The following BRIP1 variants were observed in gnomAD, a reference collection of about 807,000 sequenced individuals.
BRIP1 encodes the protein Fanconi anemia group J protein.
A neutral mutation model predicts 119.7 loss-of-function variants in BRIP1; 88 were observed. The ratio of observed to expected loss-of-function variants is 0.74; its 90% confidence interval spans 0.62 to 0.88. BRIP1 has a LOEUF of 0.88. Among genes scored for constraint, BRIP1 ranks in the 40% least tolerant of loss-of-function variants. The pLI, the probability that BRIP1 is intolerant of heterozygous loss-of-function variation, is 0.00. For synonymous variants in BRIP1, 443 were observed against 496.5 expected (o/e 0.89, Z 1.43); for missense variants, 1,259 against 1,455.4 (o/e 0.87, Z 2.20).
Position 61,703,643 on chromosome 17 carries a change from A to T in BRIP1, c.2493-10131T>A, listed in dbSNP as rs929892066. On this transcript the variant is annotated intron_variant, in intron 17 of 19. Coordinates refer to ENST00000259008, the MANE Select transcript of BRIP1 (RefSeq NM_032043.3). This position sits in a 1 kb window ranked among gnomAD's most constrained non-coding sequence, Gnocchi z 5.0. ...TGTGCAGAAGCTCTTAAGTTTAATT[A>T]AGTCCCATTCGTCGATTTTGTTTTT... Among the ~76,000 whole-genome samples, 1 of 152,202 alleles carries T rather than the reference A, an allele frequency of 6.6e-6. No individual in the cohort carries two copies. Among genetic ancestry groups the T allele is most frequent in the Non-Finnish European group, 1.5e-5 (1 of 68,034 alleles).
In BRIP1 at chr17:61,784,272, G is replaced by A. The variant is rs373709958; in HGVS notation, c.1626C>T (p.Ser542=). 1.5e-4 allele frequency: 244 copies of A among 1,611,820 alleles called. No individual in the cohort carries two copies. The South Asian group carries it at 2.2e-3, about 15-fold the overall frequency. The stretch of plus-strand genomic sequence containing the variant: ...ACATACTAGTTATCTTCACTTACCT[G>A]CTATTTTGCCTAAAAAGATAGTCAA... ...MVLDYLFRQN[S]RFADDYKIAI... The change falls in exon 11 of 20, where the codon AGC becomes AGT. Residue 542 remains serine (S), a splice_region_variant and synonymous_variant. Transcript: ENST00000259008.
Position 61,713,860 on chromosome 17 carries a change from AT to A in BRIP1, c.2492+2090del, listed in dbSNP as rs1177115392. On this transcript the variant is annotated intron_variant, in intron 17 of 19. Coordinates refer to ENST00000259008, the MANE Select transcript of BRIP1 (RefSeq NM_032043.3). The surrounding 1 kb of genome is among the most constrained non-coding windows in gnomAD (Gnocchi z 4.9). ...ACAGAAAAGTTTAAAAAGTAAAAAA[AT>A]AAAAAATAAAAATTTCAAAAATAGA... Among the ~76,000 whole-genome samples, 5 of 152,116 alleles carry A rather than the reference AT, an allele frequency of 3.3e-5. No individual in the cohort carries two copies. The highest frequency in any genetic ancestry group is 2.1e-4 in the South Asian group (1 of 4,834).
rs1356309810 is a variant in BRIP1, at chr17:61,680,874, G to A, written c.*2422C>T. Among the ~76,000 whole-genome samples the A allele has an allele frequency of 2.0e-5, 3 of 152,140 alleles. No homozygotes were observed. The highest frequency in any genetic ancestry group is 4.4e-5 in the Non-Finnish European group (3 of 68,018). On this transcript the variant is annotated 3_prime_UTR_variant, in exon 20 of 20. Transcript: ENST00000259008. Reference sequence around the variant, plus strand: ...AAGTTATTATGCACATATACCATCTGTGTCAGTCTGTTCTCATGCTGCTAA... The same window carrying A: ...AAGTTATTATGCACATATACCATCTATGTCAGTCTGTTCTCATGCTGCTAA...
intron 16 of BRIP1, among the ~76,000 whole-genome samples, chr17:61,721,068 C>T (rs997813553): frequency 1.2e-4 from 18 of 152,062 alleles, no homozygotes; most frequent in Middle Eastern, 3.4e-3. Context: ...TCTCAAACGC[C>T]TGACCTCAGG....
In BRIP1 at chr17:61,778,800, T is replaced by C. The variant is rs1004082039; in HGVS notation, c.1935+1461A>G. On this transcript the variant is annotated intron_variant, in intron 13 of 19. Coordinates refer to ENST00000259008, the MANE Select transcript of BRIP1 (RefSeq NM_032043.3). This position sits in a 1 kb window ranked among gnomAD's most constrained non-coding sequence, Gnocchi z 4.4. ...CACTCTGGCATTTGGAAAGCACAATTCTTAGTTACATAGGAGTAGCATTCT... is the reference window on the plus strand; with the variant it reads ...CACTCTGGCATTTGGAAAGCACAATCCTTAGTTACATAGGAGTAGCATTCT... Among the ~76,000 whole-genome samples, 2 of 152,186 alleles carry C rather than the reference T, an allele frequency of 1.3e-5. No individual in the cohort carries two copies. Among genetic ancestry groups the C allele is most frequent in the Admixed American group, 6.5e-5 (1 of 15,276 alleles).
Position 61,689,867 on chromosome 17 carries a change from C to A in BRIP1, c.2575+3563G>T, listed in dbSNP as rs1056146110. Among the ~76,000 whole-genome samples the A allele has an allele frequency of 6.6e-6, 1 of 152,016 alleles. No homozygotes were observed. Among genetic ancestry groups the A allele is most frequent in the Non-Finnish European group, 1.5e-5 (1 of 67,994 alleles). The stretch of plus-strand genomic sequence containing the variant: ...CTCTACAAAAAAAATTAAAAATTAG[C>A]CAGGTCTGGTGGTGCATGCCTGTAG... On this transcript the variant is annotated intron_variant, in intron 18 of 19. Coordinates refer to ENST00000259008, the MANE Select transcript of BRIP1 (RefSeq NM_032043.3). The surrounding 1 kb of genome is among the most constrained non-coding windows in gnomAD (Gnocchi z 4.5).
chr17:61,754,387 TACTC>T lies in BRIP1; in HGVS notation c.2098-9800_2098-9797del, dbSNP rs2077173055. Among the ~76,000 whole-genome samples, 1 of 152,126 alleles carries T rather than the reference TACTC, an allele frequency of 6.6e-6. No individual in the cohort carries two copies. The highest frequency in any genetic ancestry group is 2.1e-4 in the South Asian group (1 of 4,830). ...TGCTTCCTCTCTTCCTTTACACTTT[TACTC>T]ACTGTCACCTTCTCAGATAGGCCTT... On this transcript the variant is annotated intron_variant, in intron 14 of 19. Coordinates refer to ENST00000259008, the MANE Select transcript of BRIP1 (RefSeq NM_032043.3). The surrounding 1 kb of genome is among the most constrained non-coding windows in gnomAD (Gnocchi z 4.1).
intron 6 of BRIP1, among the ~76,000 whole-genome samples, chr17:61,829,609 G>A (rs1485296196): frequency 3.3e-5 from 5 of 152,084 alleles, no homozygotes; most frequent in Admixed American, 1.3e-4. Flanking sequence ...AACTCACAGA[G>A]CATTTGCCAA....
intron 18 of BRIP1, among the ~76,000 whole-genome samples, chr17:61,692,354 A>G (rs1321255358): frequency 6.6e-6 from 1 of 152,202 alleles, no homozygotes; most frequent in Non-Finnish European, 1.5e-5. Context: ...GTAAATAATC[A>G]GCAGAGTCAA....
chr17:61,744,026 T>C lies in BRIP1; in HGVS notation c.2257+406A>G, dbSNP rs2144690318. Among the ~76,000 whole-genome samples the C allele has an allele frequency of 6.6e-6, 1 of 152,350 alleles. No homozygotes were observed. The highest frequency in any genetic ancestry group is 3.4e-3 in the Middle Eastern group (1 of 292). On this transcript the variant is annotated intron_variant, in intron 15 of 19. Transcript: ENST00000259008. The surrounding 1 kb of genome is among the most constrained non-coding windows in gnomAD (Gnocchi z 5.0). ...TCATGGATATGCTCTAACTTGGAAT[T>C]GAGTTTTCAGTTATGTTTTGAAAAT... is the stretch of plus-strand genomic sequence containing the variant.
chr17:61,823,409 A>G lies in BRIP1; in HGVS notation c.628-14652T>C, dbSNP rs1022128595. Among the ~76,000 whole-genome samples the G allele has an allele frequency of 6.6e-6, 1 of 152,238 alleles. No homozygotes were observed. Among genetic ancestry groups the G allele is most frequent in the African/African-American group, 2.4e-5 (1 of 41,458 alleles). On this transcript the variant is annotated intron_variant, in intron 6 of 19. Coordinates refer to ENST00000259008, the MANE Select transcript of BRIP1 (RefSeq NM_032043.3). This position sits in a 1 kb window ranked among gnomAD's most constrained non-coding sequence, Gnocchi z 4.8. ...TCAGAGAAAAGGAAACAAAGAGGTG[A>G]TAACTACATTACTTTACTTCTACAG... is the stretch of plus-strand genomic sequence containing the variant.
At chr17:61,788,991 G>A (rs2077774982) in intron 10 of BRIP1, among the ~76,000 whole-genome samples, 1 of 152,010 alleles carries the variant, frequency 6.6e-6, no homozygotes, top group Non-Finnish European at 1.5e-5. Flanking sequence ...GTACTTGGGG[G>A]CGCTGAGGCA....
At chr17:61,747,464 G>A (rs2077073358) in intron 14 of BRIP1, among the ~76,000 whole-genome samples, 1 of 151,356 alleles carries the variant, frequency 6.6e-6, no homozygotes, top group Non-Finnish European at 1.5e-5. Flanking sequence ...ACACACTGAT[G>A]CCACCGATAC....
chr17:61,763,934 T>C (rs1203927367), intron 14 of BRIP1, among the ~76,000 whole-genome samples: 1 of 152,266 alleles, frequency 6.6e-6, no homozygotes, highest in South Asian at 2.1e-4. Flanking sequence ...ATATTCAAGA[T>C]ACACTACATA....
In BRIP1 at chr17:61,748,024, C is replaced by T. The variant is rs753542605; in HGVS notation, c.2098-3433G>A. On this transcript the variant is annotated intron_variant, in intron 14 of 19. Transcript: ENST00000259008. This position sits in a 1 kb window ranked among gnomAD's most constrained non-coding sequence, Gnocchi z 4.7. ...AAGTGCTGGGATTACAGGTGTGAGC[C>T]ACTATGCACAGTCCTCTATGAAACA... 1.3e-5 allele frequency among the ~76,000 whole-genome samples: 2 copies of T among 152,012 alleles called. No individual in the cohort carries two copies. Among genetic ancestry groups the T allele is most frequent in the Non-Finnish European group, 2.9e-5 (2 of 67,994 alleles).
rs760326491 is a variant in BRIP1 at position 61,780,408 on chromosome 17, G to C, written c.1795-7C>G. 1.9e-6 allele frequency: 3 copies of C among 1,604,576 alleles called. No homozygotes were observed. In the Admixed American group the frequency reaches 5.0e-5, roughly 27 times the overall value. ...CATTAATATCTGAAAAGGCCTAAAA[G>C]AAAACAACATTAGATAAATAAAATT... On this transcript the variant is annotated splice_region_variant and splice_polypyrimidine_tract_variant and intron_variant, in intron 12 of 19. Transcript: ENST00000259008. The surrounding 1 kb of genome is among the most constrained non-coding windows in gnomAD (Gnocchi z 5.4).
chr17:61,825,228 T>C lies in BRIP1; in HGVS notation c.628-16471A>G, dbSNP rs1475359038. Among the ~76,000 whole-genome samples the C allele has an allele frequency of 6.6e-6, 1 of 151,452 alleles. No homozygotes were observed. Among genetic ancestry groups the C allele is most frequent in the Non-Finnish European group, 1.5e-5 (1 of 67,910 alleles). ...TGAACCTGGGAGGCGGAGCTTGCAG[T>C]GACCCAAGATTGTGCCACTGCACTC... On this transcript the variant is annotated intron_variant, in intron 6 of 19. Transcript: ENST00000259008. This position sits in a 1 kb window ranked among gnomAD's most constrained non-coding sequence, Gnocchi z 4.1.
At chr17:61,697,552 C>CT (rs2061548611) in intron 17 of BRIP1, among the ~76,000 whole-genome samples, 1 of 151,824 alleles carries the variant, frequency 6.6e-6, no homozygotes, top group South Asian at 2.1e-4. Flanking sequence ...TAGAACTTCT[C>CT]TGTATTTTCT....
At chr17:61,694,773 C>G (rs1203745338) in intron 17 of BRIP1, among the ~76,000 whole-genome samples, 1 of 151,756 alleles carries the variant, frequency 6.6e-6, no homozygotes, top group South Asian at 2.1e-4. Context: ...CCCTAACAAC[C>G]AATGATGTTG....
Sources: allele counts gnomAD v4.1 joint callset (sites outside exome capture counted in the v4.1 genomes callset), GRCh38; gene constraint gnomAD v4.1.1; non-coding constraint Gnocchi (gnomAD v3.1); transcripts MANE v1.5; gene names NCBI Gene and HGNC (gene_info 2026-07-23, HGNC 2026-07-21).